RABGAP1: variants seen among roughly 807,000 people sequenced by gnomAD.
RABGAP1 encodes the protein rab GTPase-activating protein 1.
In RABGAP1, 23 loss-of-function variants were observed where a neutral mutation model predicts 137.6. The ratio of observed to expected loss-of-function variants is 0.17; its 90% CI spans 0.12 to 0.24. RABGAP1 has a LOEUF of 0.24. RABGAP1 is among the 10% of genes least tolerant of loss of function. RABGAP1 has a pLI of 1.00. For missense variants in RABGAP1, 906 were observed against 1,275.8 expected, an observed-to-expected ratio of 0.71 and a Z score of 4.42; for synonymous variants, 451 against 450.7, an observed-to-expected ratio of 1.00 and a Z score of -0.01.
At chr9:123,042,528 G>A (rs536401563) in intron 13 of RABGAP1, among the ~76,000 whole-genome samples, 1 of 152,162 alleles carries the variant, frequency 6.6e-6, no homozygotes, top group Non-Finnish European at 1.5e-5. Context: ...AGAACAGAGT[G>A]CAGTAAAAAT....
chr9:122,939,796 T>A (rs537822670), upstream of RABGAP1: 1 of 152,162 alleles, frequency 6.6e-6, no homozygotes, highest in African/African-American at 2.4e-5. Context: ...TCTGCAGGGG[T>A]ACACCCACAT....
At chr9:123,076,832 A>G in intron 19 of RABGAP1, 70 bp downstream of exon 19, 2 of 1,079,826 alleles carry the variant, frequency 1.9e-6, no homozygotes, top group Non-Finnish European at 2.4e-6. Flanking sequence ...ATCATTTATA[A>G]TACATAATTA....
chr9:123,069,278 T>C (rs1564175047), intron 14 of RABGAP1, among the ~76,000 whole-genome samples: 2 of 152,236 alleles, frequency 1.3e-5, no homozygotes, highest in African/African-American at 4.8e-5. Context: ...GAAAGAATTA[T>C]ATTTTGGTGT....
chr9:123,004,260 T>G (rs919664030), intron 10 of RABGAP1, among the ~76,000 whole-genome samples: 4 of 152,174 alleles, frequency 2.6e-5, no homozygotes, highest in African/African-American at 4.8e-5. Context: ...GGGTGACGCT[T>G]TGGCAACTTC....
chr9:122,991,905 T>C (rs1487216780), intron 6 of RABGAP1, among the ~76,000 whole-genome samples: 1 of 152,140 alleles, frequency 6.6e-6, no homozygotes, highest in Non-Finnish European at 1.5e-5. Context: ...CCTGACTATT[T>C]CTATTCTCAA....
intron 2 of RABGAP1, among the ~76,000 whole-genome samples, chr9:122,966,367 A>G (rs928948641): frequency 1.4e-4 from 21 of 152,056 alleles, no homozygotes; most frequent in African/African-American, 4.6e-4. Flanking sequence ...TCTACCAAAA[A>G]TACAAAATTA....
At chr9:123,057,337 G>T (rs1229865459) in intron 13 of RABGAP1, among the ~76,000 whole-genome samples, 1 of 151,312 alleles carries the variant, frequency 6.6e-6, no homozygotes, top group Non-Finnish European at 1.5e-5. Flanking sequence ...CTTCTCAGAC[G>T]GGGCGGCCGG....
chr9:123,014,938 A>G (rs1217504734), intron 11 of RABGAP1, among the ~76,000 whole-genome samples: 2 of 152,122 alleles, frequency 1.3e-5, no homozygotes, highest in East Asian at 3.9e-4. Flanking sequence ...ACTCACTGTC[A>G]TGAGAACAGC....
intron 19 of RABGAP1, among the ~76,000 whole-genome samples, chr9:123,083,762 C>A (rs546091075): frequency 6.6e-6 from 1 of 152,152 alleles, no homozygotes; most frequent in Admixed American, 6.5e-5. Flanking sequence ...CTGTGTGACC[C>A]CAGGGTAGGT....
At chr9:123,075,294 A>G (rs147515087) in intron 17 of RABGAP1, among the ~76,000 whole-genome samples, 2 of 152,198 alleles carry the variant, frequency 1.3e-5, no homozygotes, top group African/African-American at 4.8e-5. Context: ...ATGGAACACT[A>G]TATATATTAT....
chr9:123,035,382 C>T (rs1326726664), intron 13 of RABGAP1: 1 of 1,614,130 alleles, frequency 6.2e-7, no homozygotes, highest in African/African-American at 1.3e-5. Context: ...TCATCTACTT[C>T]TTGTTGGAAA....
At chr9:123,003,132 A>T (rs1484498620) in intron 10 of RABGAP1, among the ~76,000 whole-genome samples, 1 of 152,180 alleles carries the variant, frequency 6.6e-6, no homozygotes, top group Non-Finnish European at 1.5e-5. Flanking sequence ...AATAAACTAA[A>T]TGTATTCCCT....
At chr9:123,002,170 G>A (rs576225662) in intron 10 of RABGAP1, among the ~76,000 whole-genome samples, 3 of 151,920 alleles carry the variant, frequency 2.0e-5, no homozygotes, top group South Asian at 2.1e-4. Flanking sequence ...GCGTAGTGGC[G>A]CATGCCTGTA....
At chr9:123,065,575 A>C in intron 14 of RABGAP1, 114 bp downstream of exon 14, 3 of 822,656 alleles carry the variant, frequency 3.6e-6, no homozygotes, top group Non-Finnish European at 6.1e-6. Flanking sequence ...GAATTCCAAA[A>C]AGAGAAAAGA....
In RABGAP1 at chr9:123,095,143, C is replaced by T. The variant is rs190040092; in HGVS notation, c.2629-2598C>T. Among the ~76,000 whole-genome samples, 3 of 146,346 alleles carry T rather than the reference C, an allele frequency of 2.0e-5. No homozygotes were observed. In the Admixed American group the frequency reaches 2.1e-4, roughly 10 times the overall value. On this transcript the variant is annotated intron_variant, in intron 21 of 25. Transcript: ENST00000373647. ...ATAGGAGGCTTAGGTGAGAGGATCA[C>T]TTGAACCCGGGAGGCAGGGGCTGCA...
At chr9:123,035,127 C>T (rs775672944) in intron 13 of RABGAP1, 13 of 1,613,554 alleles carry the variant, frequency 8.1e-6, no homozygotes, top group South Asian at 5.5e-5. Context: ...CCTGGCACAC[C>T]GACTCCTACT....
chr9:123,035,043 G>A, intron 13 of RABGAP1: 1 of 1,613,944 alleles, frequency 6.2e-7, no homozygotes, highest in Non-Finnish European at 8.5e-7. Context: ...ACTCGACCCT[G>A]GTCTTCCTGC....
At chr9:123,006,670 C>T (rs763684951) in intron 10 of RABGAP1, among the ~76,000 whole-genome samples, 3 of 152,096 alleles carry the variant, frequency 2.0e-5, no homozygotes, top group South Asian at 2.1e-4. Context: ...TGCAATGGTG[C>T]GATCTTGGCT....
At chr9:122,987,395 G>T (rs1293384915) in intron 4 of RABGAP1, among the ~76,000 whole-genome samples, 1 of 151,946 alleles carries the variant, frequency 6.6e-6, no homozygotes, top group Admixed American at 6.6e-5. Context: ...AATAAATACA[G>T]TTAACATCTT....
Sources: allele counts gnomAD v4.1 joint callset (sites outside exome capture counted in the v4.1 genomes callset), GRCh38; gene constraint gnomAD v4.1.1; transcripts MANE v1.5; gene names NCBI Gene and HGNC (gene_info 2026-07-23, HGNC 2026-07-21).